The following ARID3B variants were observed in gnomAD, a reference collection of about 807,000 sequenced individuals.
The protein encoded by ARID3B is AT-rich interactive domain-containing protein 3B.
A neutral mutation model predicts 51.9 loss-of-function variants in ARID3B; 10 were observed. That is an observed-to-expected ratio of 0.19 (90% confidence interval 0.12 to 0.33). The LOEUF (loss-of-function observed/expected upper bound fraction) is 0.33. Among genes scored for constraint, ARID3B ranks in the 10% least tolerant of loss-of-function variants. The pLI, the probability that ARID3B is intolerant of heterozygous loss-of-function variation, is 1.00. For synonymous variants in ARID3B, 205 were observed against 279.5 expected (o/e 0.73, Z 2.66); for missense variants, 483 against 716.3 (o/e 0.67, Z 3.72).
rs2061823218 is a variant in ARID3B at position 74,595,850 on chromosome 15, C to T, written c.*76C>T. 1.4e-6 allele frequency: 2 copies of T among 1,469,796 alleles called. No individual in the cohort carries two copies. Among genetic ancestry groups the T allele is most frequent in the Admixed American group, 2.2e-5 (1 of 44,756 alleles). 91.0% of individuals were successfully genotyped at this position (1,469,796 alleles called of 1,614,324 possible). A position where few individuals can be genotyped will look rare whatever the true frequency, so the allele number is the denominator to read the frequency against. ...AGTTGATGCACAGAATTTACCTCAT[C>T]TCACAGAGCCCACGTCGACGAGCAC... On this transcript the variant is annotated 3_prime_UTR_variant, in exon 9 of 9. Coordinates refer to ENST00000346246, the MANE Select transcript of ARID3B (RefSeq NM_006465.4).
chr15:74,550,264 T>C (rs1490723129), intron 2 of ARID3B, among the ~76,000 whole-genome samples: 3 of 152,188 alleles, frequency 2.0e-5, no homozygotes, highest in South Asian at 4.1e-4. Context: ...TTTGGTGATA[T>C]ATGAGAGAGC....
chr15:74,589,049 T>G (rs866981741), intron 4 of ARID3B, among the ~76,000 whole-genome samples: 1 of 102,916 alleles, frequency 9.7e-6, no homozygotes, highest in Admixed American at 1.3e-4. Flanking sequence ...TTTTTTTTTT[T>G]AAGACAGTCT....
intron 2 of ARID3B, among the ~76,000 whole-genome samples, chr15:74,563,071 C>G (rs12438386): frequency 6.6e-6 from 1 of 152,194 alleles, no homozygotes; most frequent in Non-Finnish European, 1.5e-5. Flanking sequence ...AGTTTATTCC[C>G]GTTGGCTTGT....
At chr15:74,558,077 T>C (rs1264790143) in intron 2 of ARID3B, among the ~76,000 whole-genome samples, 1 of 151,798 alleles carries the variant, frequency 6.6e-6, no homozygotes, top group Non-Finnish European at 1.5e-5. Context: ...CACCTCGGCC[T>C]CCCAAAGTGC....
intron 2 of ARID3B, among the ~76,000 whole-genome samples, chr15:74,571,340 A>G (rs1234468593): frequency 1.3e-5 from 2 of 152,218 alleles, no homozygotes; most frequent in Non-Finnish European, 2.9e-5. Flanking sequence ...TGTTCTCCCA[A>G]GAAACCACTG....
chr15:74,545,636 A>G (rs1307478193), intron 2 of ARID3B, among the ~76,000 whole-genome samples: 3 of 152,242 alleles, frequency 2.0e-5, no homozygotes, highest in African/African-American at 7.2e-5. Flanking sequence ...AAGCACACAC[A>G]CTTCTTGTGA....
At chr15:74,579,202 T>G (rs2061750013) in intron 4 of ARID3B, among the ~76,000 whole-genome samples, 1 of 152,196 alleles carries the variant, frequency 6.6e-6, no homozygotes, top group Non-Finnish European at 1.5e-5. Flanking sequence ...TTTGGGTGAA[T>G]TGACTGCAAC....
chr15:74,548,935 T>C (rs1033870060), intron 2 of ARID3B, among the ~76,000 whole-genome samples: 1 of 152,268 alleles, frequency 6.6e-6, no homozygotes, highest in Non-Finnish European at 1.5e-5. Context: ...AATCTCATCT[T>C]ACCGTGAGAG....
At chr15:74,545,541 G>A (rs1596248489) in intron 2 of ARID3B, among the ~76,000 whole-genome samples, 3 of 152,238 alleles carry the variant, frequency 2.0e-5, no homozygotes, top group Admixed American at 6.5e-5. Flanking sequence ...GTTTTTCCTC[G>A]CCCAAAGGAT....
chr15:74,558,897 A>G (rs948803960), intron 2 of ARID3B, among the ~76,000 whole-genome samples: 4 of 152,046 alleles, frequency 2.6e-5, no homozygotes, highest in African/African-American at 9.7e-5. Flanking sequence ...AGCTCGTTGC[A>G]TTGGTTTGGG....
At chr15:74,553,651 A>T (rs1034654232) in intron 2 of ARID3B, among the ~76,000 whole-genome samples, 5 of 152,164 alleles carry the variant, frequency 3.3e-5, no homozygotes, top group African/African-American at 1.2e-4. Flanking sequence ...TCTGAAATTT[A>T]AGATATTCTT....
In ARID3B at chr15:74,572,844, T is replaced by C. The variant is rs919185555; in HGVS notation, c.553-18T>C. 2 of 1,613,188 alleles carry C rather than the reference T, an allele frequency of 1.2e-6. No individual in the cohort carries two copies. Among genetic ancestry groups the C allele is most frequent in the Non-Finnish European group, 1.7e-6 (2 of 1,179,266 alleles). ...TCTTCCTTTGCCCCTCTCAACTTTGTGTTTTGTTCCCTTTTAGAATGGTGG... is the reference window on the plus strand; with the variant it reads ...TCTTCCTTTGCCCCTCTCAACTTTGCGTTTTGTTCCCTTTTAGAATGGTGG... On this transcript the variant is annotated intron_variant, in intron 2 of 8. Coordinates refer to ENST00000346246, the MANE Select transcript of ARID3B (RefSeq NM_006465.4).
chr15:74,576,479 A>G (rs1364701044), intron 4 of ARID3B, among the ~76,000 whole-genome samples: 1 of 151,746 alleles, frequency 6.6e-6, no homozygotes, highest in Non-Finnish European at 1.5e-5. Flanking sequence ...ACATAGTGAG[A>G]CCTTCTCTCT....
intron 2 of ARID3B, among the ~76,000 whole-genome samples, chr15:74,571,270 A>G (rs1299493200): frequency 7.2e-5 from 11 of 152,208 alleles, no homozygotes; most frequent in Admixed American, 6.5e-5. Flanking sequence ...AGTGGAATTC[A>G]ACCAAGCTTT....
chr15:74,584,455 C>G (rs550204654), intron 4 of ARID3B, among the ~76,000 whole-genome samples: 14 of 152,360 alleles, frequency 9.2e-5, no homozygotes, highest in African/African-American at 3.4e-4. Context: ...CTGGAAAAAG[C>G]AGCAAGGGTC....
intron 4 of ARID3B, among the ~76,000 whole-genome samples, chr15:74,578,423 C>T (rs1256572613): frequency 1.3e-5 from 2 of 152,132 alleles, no homozygotes; most frequent in African/African-American, 2.4e-5. Context: ...AATCCGCCCG[C>T]GTCGGCCTCC....
intron 1 of ARID3B, 118 bp from the exon 2 acceptor site, chr15:74,543,742 C>T (rs781079530): frequency 6.3e-6 from 4 of 639,180 alleles, no homozygotes; most frequent in Non-Finnish European, 1.0e-5. Context: ...GGTTTAGGAG[C>T]ATATGTTTAG....
chr15:74,594,264 C>A (rs902596430), intron 8 of ARID3B, among the ~76,000 whole-genome samples: 2 of 152,038 alleles, frequency 1.3e-5, no homozygotes, highest in Non-Finnish European at 2.9e-5. Flanking sequence ...CTGGCTAACA[C>A]AGTGAAACCC....
In ARID3B at chr15:74,587,180, AAGT is replaced by A. The variant is rs371807153; in HGVS notation, c.698-2635_698-2633del. Among the ~76,000 whole-genome samples, 102 of 152,322 alleles carry A rather than the reference AAGT, an allele frequency of 6.7e-4. 1 individual carries two copies. The highest frequency in any genetic ancestry group is 2.0e-3 in the African/African-American group (83 of 41,566). ...AACAAGGAGGTGAGTAATATGGTAA[AAGT>A]AGTATTTTAATAAGATTGGCTGCAG... On this transcript the variant is annotated intron_variant, in intron 4 of 8. Transcript: ENST00000346246.
Sources: allele counts gnomAD v4.1 joint callset (sites outside exome capture counted in the v4.1 genomes callset), GRCh38; gene constraint gnomAD v4.1.1; transcripts MANE v1.5; gene names NCBI Gene and HGNC (gene_info 2026-07-23, HGNC 2026-07-21).